Variants in DNAH11 observed in about 807,000 individuals in gnomAD.
DNAH11 encodes the protein dynein axonemal heavy chain 11, also known as axonemal beta dynein heavy chain 11.
DNAH11 carries 442 observed loss-of-function variants against 526.0 expected under a neutral mutation model. That is an observed-to-expected ratio of 0.84 (90% CI 0.78 to 0.91). The LOEUF (loss-of-function observed/expected upper bound fraction) is 0.91, where lower values mean the gene tolerates loss of function less well. Among genes scored for constraint, DNAH11 ranks in the 40% least tolerant of loss-of-function variants. The pLI, the probability that DNAH11 is intolerant of heterozygous loss-of-function variation, is 0.00. For missense variants in DNAH11, 6,989 were observed against 5,448.7 expected, an observed-to-expected ratio of 1.28 and a Z score of -8.90; for synonymous variants, 2,461 against 1,935.9, an observed-to-expected ratio of 1.27 and a Z score of -7.12.
At chr7:21,681,906 T>A (rs1783156952) in intron 31 of DNAH11, among the ~76,000 whole-genome samples, 1 of 152,204 alleles carries the variant, frequency 6.6e-6, no homozygotes, top group East Asian at 1.9e-4. Context: ...GTTAGGAACA[T>A]CAGATCATCA....
chr7:21,874,861 T>C (rs2128039544), intron 74 of DNAH11, among the ~76,000 whole-genome samples: 1 of 152,276 alleles, frequency 6.6e-6, no homozygotes, highest in African/African-American at 2.4e-5. Flanking sequence ...GTAAATCGCA[T>C]TCTTGTTAGG....
In DNAH11 at chr7:21,564,186, C is replaced by G; in HGVS notation, c.983C>G (p.Ala328Gly). Residue 328 changes from alanine (A) to glycine (G), a missense_variant and splice_region_variant, in exon 6 of 82, where the codon GCT becomes GGT. Coordinates refer to ENST00000409508, the MANE Select transcript of DNAH11 (RefSeq NM_001277115.2). ...LKDIFLAVEN[A>G]LLEAQDVELY... ...GTTAATGGTGGTTCTTTGCTTTCAGCTCTTCTCGAAGCCCAAGATGTGGAA... is the reference window on the plus strand; with the variant it reads ...GTTAATGGTGGTTCTTTGCTTTCAGGTCTTCTCGAAGCCCAAGATGTGGAA... 1 of 1,562,770 alleles carries G rather than the reference C, an allele frequency of 6.4e-7. No homozygotes were observed. The highest frequency in any genetic ancestry group is 8.6e-7 in the Non-Finnish European group (1 of 1,157,212).
intron 74 of DNAH11, among the ~76,000 whole-genome samples, chr7:21,880,270 G>C (rs1434877894): frequency 6.6e-6 from 1 of 152,148 alleles, no homozygotes; most frequent in African/African-American, 2.4e-5. Context: ...GGGTGTCCAT[G>C]TGCCCAGAGA....
chr7:21,818,263 T>A lies in DNAH11; in HGVS notation c.10615T>A (p.Leu3539Ile), dbSNP rs1348004875. The A allele has an allele frequency of 6.2e-7, 1 of 1,612,326 alleles. No individual in the cohort carries two copies. The highest frequency in any genetic ancestry group is 8.5e-7 in the Non-Finnish European group (1 of 1,179,090). Residue 3539 changes from leucine (L) to isoleucine (I), a missense_variant, in exon 65 of 82, where the codon TTA (leucine) becomes ATA (isoleucine). Coordinates refer to ENST00000409508, the MANE Select transcript of DNAH11 (RefSeq NM_001277115.2). ...TGCTTTGGCCTTTGGTGATGTCATC[T>A]TAATTGAAAATCTCGAGGAAACGAT... ...ETALAFGDVI[L>I]IENLEETIDP...
In DNAH11 at chr7:21,588,755, A is replaced by G. The variant is rs149678420; in HGVS notation, c.1973+119A>G. The G allele has an allele frequency of 4.1e-5, 50 of 1,209,098 alleles. No homozygotes were observed. In the East Asian group the frequency reaches 1.2e-3, roughly 29 times the overall value. The allele number at this position is 1,209,098 out of a possible 1,614,324, so 74.9% of individuals were successfully genotyped here. ...AGCCATTGCCCTGTTCACTTCTCTC[A>G]CTGGTTGGGTTTGTGGAGAGGGATT... On this transcript the variant is annotated intron_variant, in intron 11 of 81. Coordinates refer to ENST00000409508, the MANE Select transcript of DNAH11 (RefSeq NM_001277115.2).
chr7:21,553,565 C>T (rs750701034), intron 2 of DNAH11, among the ~76,000 whole-genome samples: 66 of 152,128 alleles, frequency 4.3e-4, no homozygotes, highest in Non-Finnish European at 8.8e-4. Flanking sequence ...AGAAGGAACT[C>T]CCCCCACAGT....
rs1386952998 is a variant in DNAH11 at position 21,655,736 on chromosome 7, A to G, written c.4945-96A>G. ...AACATTTTGAGACAACTCTAACTCCATAACGTTTCATGACTTCATATGGCA... is the reference window on the plus strand; with the variant it reads ...AACATTTTGAGACAACTCTAACTCCGTAACGTTTCATGACTTCATATGGCA... On this transcript the variant is annotated intron_variant, in intron 28 of 81. Transcript: ENST00000409508. 15 of 1,267,734 alleles carry G rather than the reference A, an allele frequency of 1.2e-5. No individual in the cohort carries two copies. The South Asian group carries it at 1.2e-4, about 10-fold the overall frequency. 78.5% of individuals were successfully genotyped at this position (1,267,734 alleles called of 1,614,324 possible).
intron 2 of DNAH11, among the ~76,000 whole-genome samples, chr7:21,554,614 A>G (rs2128428901): frequency 6.6e-6 from 1 of 152,238 alleles, no homozygotes; most frequent in Middle Eastern, 3.4e-3. Flanking sequence ...TTTTCCTGTG[A>G]AAAGGATACT....
At chr7:21,796,358 G>A (rs1583704796) in intron 61 of DNAH11, among the ~76,000 whole-genome samples, 1 of 152,154 alleles carries the variant, frequency 6.6e-6, no homozygotes, top group Admixed American at 6.5e-5. Context: ...GCACAGGAGG[G>A]ATAAATCGAT....
chr7:21,789,190 T>C (rs1461059944), intron 60 of DNAH11, 51 bp from the exon 61 acceptor site: 2 of 1,307,014 alleles, frequency 1.5e-6, no homozygotes, highest in Non-Finnish European at 2.2e-6. Flanking sequence ...CTATCTGGGA[T>C]TGAATGATTA....
chr7:21,901,445 C>G lies in DNAH11; in HGVS notation c.*191C>G. Reference sequence around the variant, plus strand: ...TAACTCAGGGCTGAGCGTGGTGGCACACGACTGTAATCCCAGTTACTCAGG... The same window carrying G: ...TAACTCAGGGCTGAGCGTGGTGGCAGACGACTGTAATCCCAGTTACTCAGG... On this transcript the variant is annotated 3_prime_UTR_variant, in exon 82 of 82. Transcript: ENST00000409508. 1 of 705,532 alleles carries G rather than the reference C, an allele frequency of 1.4e-6. No homozygotes were observed. The highest frequency in any genetic ancestry group is 1.8e-5 in the African/African-American group (1 of 54,828). The allele number at this position is 705,532 out of a possible 1,614,324, so 43.7% of individuals were successfully genotyped here.
intron 30 of DNAH11, among the ~76,000 whole-genome samples, chr7:21,669,959 T>TTA (rs772237778): frequency 5.8e-4 from 89 of 152,306 alleles, no homozygotes; most frequent in Non-Finnish European, 8.8e-4. Flanking sequence ...TAAAGTCATT[T>TTA]TATATATACC....
At chr7:21,748,421 G>C (rs554061637) in intron 51 of DNAH11, among the ~76,000 whole-genome samples, 159 bp from the exon 52 acceptor site, 1 of 152,158 alleles carries the variant, frequency 6.6e-6, no homozygotes, top group Non-Finnish European at 1.5e-5. Context: ...TCCGGGAGGC[G>C]GAGGCTGCAA....
intron 73 of DNAH11, among the ~76,000 whole-genome samples, chr7:21,870,995 A>G (rs1783473342): frequency 1.3e-5 from 2 of 152,230 alleles, no homozygotes; most frequent in Admixed American, 1.3e-4. Context: ...AGGCAAACAT[A>G]ATGAAAACTT....
intron 66 of DNAH11, among the ~76,000 whole-genome samples, chr7:21,847,901 C>T (rs957345098): frequency 2.0e-5 from 3 of 152,112 alleles, no homozygotes; most frequent in Non-Finnish European, 2.9e-5. Context: ...TGCAGTGGCT[C>T]ACGCCTGTAA....
chr7:21,829,485 A>C (rs1441030862), intron 65 of DNAH11, among the ~76,000 whole-genome samples: 1 of 152,220 alleles, frequency 6.6e-6, no homozygotes, highest in Non-Finnish European at 1.5e-5. Flanking sequence ...AGCCATTTCT[A>C]ATAAAGCCAC....
chr7:21,641,712 T>C (rs1357743470), intron 28 of DNAH11, among the ~76,000 whole-genome samples: 3 of 152,212 alleles, frequency 2.0e-5, no homozygotes, highest in African/African-American at 7.2e-5. Flanking sequence ...TTTAAAAAAA[T>C]TTTTTACAAC....
At chr7:21,551,482 T>C (rs1783021093) in intron 2 of DNAH11, among the ~76,000 whole-genome samples, 1 of 152,202 alleles carries the variant, frequency 6.6e-6, no homozygotes, top group African/African-American at 2.4e-5. Context: ...TTTCCAAAAG[T>C]GTGTACCACC....
chr7:21,620,129 C>T, intron 25 of DNAH11, 51 bp downstream of exon 25: 1 of 1,384,004 alleles, frequency 7.2e-7, no homozygotes, highest in Non-Finnish European at 9.7e-7. Context: ...TTTTATTTGA[C>T]AAATAATTGT....
Sources: allele counts gnomAD v4.1 joint callset (sites outside exome capture counted in the v4.1 genomes callset), GRCh38; gene constraint gnomAD v4.1.1; transcripts MANE v1.5; gene names NCBI Gene and HGNC (gene_info 2026-07-23, HGNC 2026-07-21).